The following FRMD4A variants were observed in gnomAD, a reference collection of about 807,000 sequenced individuals.
FRMD4A encodes the protein FERM domain containing 4A, also known as FERM domain-containing protein 4A.
A neutral mutation model predicts 129.1 loss-of-function variants in FRMD4A; 29 were observed. That is an observed-to-expected ratio of 0.22 (90% CI 0.17 to 0.31). The LOEUF is 0.31. Ranked by LOEUF, FRMD4A falls within the 10% of genes least tolerant of loss-of-function variation. The pLI, the probability that FRMD4A is intolerant of heterozygous loss-of-function variation, is 1.00. For synonymous variants in FRMD4A, 634 were observed against 571.6 expected (o/e 1.11, Z -1.56); for missense variants, 1,272 against 1,375.8 (o/e 0.92, Z 1.19).
intron 2 of FRMD4A, among the ~76,000 whole-genome samples, chr10:14,325,033 C>T (rs1423569422): frequency 6.6e-6 from 1 of 152,244 alleles, no homozygotes; most frequent in African/African-American, 2.4e-5. Flanking sequence ...ACCCCAACTT[C>T]ACCATATAAT....
chr10:14,048,875 TAGAATAGAATAGAATAGAATAGAATAG>T (rs1453913188), intron 2 of FRMD4A, among the ~76,000 whole-genome samples: 108 of 121,592 alleles, frequency 8.9e-4, no homozygotes, highest in African/African-American at 3.1e-3. Flanking sequence ...TAGAATAGAA[TAGAATAGAATAGAATAGAATAGAATAG>T]AAAATAAAAT....
intron 2 of FRMD4A, among the ~76,000 whole-genome samples, chr10:14,129,403 TATATAA>T (rs1229017911): frequency 0.013 from 1,740 of 129,418 alleles, 72 homozygotes; most frequent in African/African-American, 0.052. Flanking sequence ...TATATATATA[TATATAA>T]AAAATATGAG....
At chr10:14,138,124 A>G (rs191113340) in intron 2 of FRMD4A, among the ~76,000 whole-genome samples, 51 of 152,350 alleles carry the variant, frequency 3.3e-4, no homozygotes, top group South Asian at 6.2e-4. Context: ...TGCATTTTCT[A>G]CTAGTGCTGG....
intron 2 of FRMD4A, among the ~76,000 whole-genome samples, chr10:14,058,839 A>G (rs1354813185): frequency 6.6e-6 from 1 of 152,182 alleles, no homozygotes; most frequent in Non-Finnish European, 1.5e-5. Flanking sequence ...CGTAGCTCCA[A>G]ATGCAACATC....
chr10:13,759,475 A>T (rs577455938), intron 8 of FRMD4A, among the ~76,000 whole-genome samples: 1 of 152,314 alleles, frequency 6.6e-6, no homozygotes, highest in Admixed American at 6.5e-5. Context: ...GGGTACTCTC[A>T]AAATAAATAA....
intron 2 of FRMD4A, among the ~76,000 whole-genome samples, chr10:14,090,941 C>T (rs1025608657): frequency 2.0e-5 from 3 of 151,630 alleles, no homozygotes; most frequent in Non-Finnish European, 4.4e-5. Flanking sequence ...CCTGAGTAGC[C>T]GGGACCATAG....
At chr10:13,812,216 A>G (rs757704227) in intron 3 of FRMD4A, among the ~76,000 whole-genome samples, 4 of 152,178 alleles carry the variant, frequency 2.6e-5, no homozygotes, top group Non-Finnish European at 5.9e-5. Context: ...GGGTACTGCC[A>G]TGGACTGAAT....
intron 2 of FRMD4A, among the ~76,000 whole-genome samples, chr10:13,896,449 C>T (rs1049588581): frequency 1.3e-5 from 2 of 152,064 alleles, no homozygotes; most frequent in Non-Finnish European, 2.9e-5. Context: ...TGTTCTCACT[C>T]ATAAGTGGGA....
At chr10:14,049,457 C>T (rs867742319) in intron 2 of FRMD4A, among the ~76,000 whole-genome samples, 1 of 152,288 alleles carries the variant, frequency 6.6e-6, no homozygotes, top group South Asian at 2.1e-4. Context: ...TGGAATTCCC[C>T]ACAGTTTGGG....
chr10:14,254,293 C>T (rs912468961), intron 2 of FRMD4A, among the ~76,000 whole-genome samples: 2 of 152,212 alleles, frequency 1.3e-5, no homozygotes, highest in Non-Finnish European at 2.9e-5. Flanking sequence ...TTCTCCGGTT[C>T]TGTATGCATC....
At chr10:13,945,915 A>G (rs1057408642) in intron 2 of FRMD4A, among the ~76,000 whole-genome samples, 10 of 152,186 alleles carry the variant, frequency 6.6e-5, no homozygotes, top group African/African-American at 2.2e-4. Context: ...CAGAGGCCCC[A>G]GTTTCAACTT....
At chr10:13,778,603 GTGTGTGTGTGTGTGTGTGTT>G (rs1224527962) in intron 6 of FRMD4A, among the ~76,000 whole-genome samples, 2 of 146,264 alleles carry the variant, frequency 1.4e-5, no homozygotes, top group Non-Finnish European at 3.0e-5. Context: ...TCCAACGTGT[GTGTGTGTGTGTGTGTGTGTT>G]TGTGTGTGTG....
chr10:14,122,041 C>T (rs1838553828), intron 2 of FRMD4A, among the ~76,000 whole-genome samples: 1 of 152,186 alleles, frequency 6.6e-6, no homozygotes, highest in African/African-American at 2.4e-5. Context: ...GAAAGTGCAC[C>T]TGTAGATGTT....
chr10:13,759,103 C>A (rs952796916), intron 8 of FRMD4A, among the ~76,000 whole-genome samples: 2 of 152,140 alleles, frequency 1.3e-5, no homozygotes, highest in African/African-American at 2.4e-5. Flanking sequence ...ATCAGAGACT[C>A]CCATGTAACA....
intron 12 of FRMD4A, among the ~76,000 whole-genome samples, chr10:13,720,635 G>C (rs2089323666): frequency 6.6e-6 from 1 of 152,156 alleles, no homozygotes; most frequent in Non-Finnish European, 1.5e-5. Flanking sequence ...AAGATAACAG[G>C]TTTGAAGCAC....
intron 2 of FRMD4A, among the ~76,000 whole-genome samples, chr10:13,997,159 A>C (rs1020611965): frequency 6.0e-5 from 9 of 151,064 alleles, no homozygotes; most frequent in African/African-American, 1.9e-4. Flanking sequence ...TTTTTTTTGC[A>C]TGGGTTGTGG....
At chr10:14,089,631 AAAAAAAAACAAAC>A (rs1348549575) in intron 2 of FRMD4A, among the ~76,000 whole-genome samples, 1 of 2,792 alleles carries the variant, frequency 3.6e-4, no homozygotes, top group African/African-American at 1.1e-3. Context: ...AAAAAAAAAC[AAAAAAAAACAAAC>A]AAAAAAAAAA....
At chr10:14,173,315 C>G (rs746651806) in intron 2 of FRMD4A, among the ~76,000 whole-genome samples, 1 of 152,140 alleles carries the variant, frequency 6.6e-6, no homozygotes, top group Non-Finnish European at 1.5e-5. Flanking sequence ...ACGTTCAAAG[C>G]GTCTCTTGAA....
At chr10:13,734,114 A>G (rs1232438324) in intron 12 of FRMD4A, among the ~76,000 whole-genome samples, 1 of 152,172 alleles carries the variant, frequency 6.6e-6, no homozygotes, top group Non-Finnish European at 1.5e-5. Context: ...GTGGATCCTG[A>G]AGCCTGGGAG....
Sources: gnomAD v4.1 joint callset for allele counts (sites outside exome capture counted in the v4.1 genomes callset) on GRCh38, gnomAD v4.1.1 for gene constraint, MANE v1.5 for transcripts, NCBI Gene and HGNC (gene_info 2026-07-23, HGNC 2026-07-21) for gene names.